Variants in WWC1 observed in about 807,000 individuals in gnomAD.
WWC1 encodes the protein protein KIBRA.
In WWC1, 55 loss-of-function variants were observed where a neutral mutation model predicts 138.4. The observed-to-expected ratio is 0.40, with a 90% CI of 0.32 to 0.50. WWC1 has a LOEUF of 0.50. Among genes scored for constraint, WWC1 ranks in the 20% least tolerant of loss-of-function variants. The pLI is 0.72. For synonymous variants in WWC1, 524 were observed against 564.9 expected (o/e 0.93, Z 1.03); for missense variants, 1,226 against 1,420.4 (o/e 0.86, Z 2.20).
At chr5:168,332,716 C>CT (rs368584330) in intron 1 of WWC1, among the ~76,000 whole-genome samples, 7,316 of 147,322 alleles carry the variant, frequency 0.05, 447 homozygotes, top group African/African-American at 0.14. Context: ...TTTTCTTTTT[C>CT]TTTTTTTTTT....
At chr5:168,321,300 A>G (rs1366883299) in intron 1 of WWC1, among the ~76,000 whole-genome samples, 2 of 152,152 alleles carry the variant, frequency 1.3e-5, no homozygotes, top group Non-Finnish European at 2.9e-5. Flanking sequence ...AGGAGATGCC[A>G]TGGGAGAAAG....
rs1561630070 is a variant in WWC1 at position 168,339,830 on chromosome 5, C to CTTTCTTTCTTTCTTTCTTTCTTTCTTTCT, written c.120-31591_120-31590insCTTTCTTTCTTTCTTTCTTTCTTTCTTTT. Among the ~76,000 whole-genome samples, 8 of 135,254 alleles carry CTTTCTTTCTTTCTTTCTTTCTTTCTTTCT rather than the reference C, an allele frequency of 5.9e-5. No homozygotes were observed. In the South Asian group the frequency reaches 6.7e-4, roughly 11 times the overall value. 88.7% of individuals were successfully genotyped at this position (135,254 alleles called of 152,430 possible). On this transcript the variant is annotated intron_variant, in intron 1 of 22. Coordinates refer to ENST00000265293, the MANE Select transcript of WWC1 (RefSeq NM_015238.3). Reference sequence around the variant, plus strand: ...TTTTTCTTTCTTTCTTTCTTTCTTTCTTTTTCTTTTCTTTCTTTCTTTCTC... The same window carrying CTTTCTTTCTTTCTTTCTTTCTTTCTTTCT: ...TTTTTCTTTCTTTCTTTCTTTCTTTCTTTCTTTCTTTCTTTCTTTCTTTCTTTCTTTTTTCTTTTCTTTCTTTCTTTCTC...
In WWC1 at chr5:168,414,541, A is replaced by G; in HGVS notation, c.1135A>G (p.Lys379Glu). The part of the protein sequence containing the change: ...QLEMARKRLE[K>E]DLQAARDTQS... ...GGAGATGGCCCGGAAGCGGCTGGAA[A>G]AGGACCTGCAGGCAGCCCGGGACAC... The change falls in exon 9 of 23, where the codon AAG (lysine) becomes GAG (glutamate). Residue 379 changes from lysine (K) to glutamate (E), a missense_variant. Physicochemically the swap from Lys to Glu is moderately conservative, Grantham distance 56 (BLOSUM62 1). Coordinates refer to ENST00000265293, the MANE Select transcript of WWC1 (RefSeq NM_015238.3). 1 of 1,554,658 alleles carries G rather than the reference A, an allele frequency of 6.4e-7. No homozygotes were observed. The highest frequency in any genetic ancestry group is 8.7e-7 in the Non-Finnish European group (1 of 1,148,954).
intron 20 of WWC1, among the ~76,000 whole-genome samples, chr5:168,462,342 T>A (rs1033367546): frequency 4.6e-5 from 7 of 152,154 alleles, no homozygotes; most frequent in African/African-American, 1.7e-4. Context: ...GACAACCAAC[T>A]GCCCACTCTG....
rs141726503 is a variant in WWC1, at chr5:168,455,145, G to A, written c.2659-211G>A. On this transcript the variant is annotated intron_variant, in intron 18 of 22. Coordinates refer to ENST00000265293, the MANE Select transcript of WWC1 (RefSeq NM_015238.3). ...ACCAGTCCCCAACCACACGTGCCAC[G>A]GAGGGGTAGGGGTCGGCACACCTAG... Among the ~76,000 whole-genome samples, 89 of 152,310 alleles carry A rather than the reference G, an allele frequency of 5.8e-4. No individual in the cohort carries two copies. The East Asian group carries it at 0.016, about 28-fold the overall frequency.
At chr5:168,341,839 G>A (rs985910001) in intron 1 of WWC1, among the ~76,000 whole-genome samples, 1 of 152,100 alleles carries the variant, frequency 6.6e-6, no homozygotes, top group South Asian at 2.1e-4. Context: ...CACAGATAAC[G>A]GAAGAAAGTT....
intron 17 of WWC1, among the ~76,000 whole-genome samples, chr5:168,450,474 T>C (rs886238961): frequency 6.6e-6 from 1 of 152,168 alleles, no homozygotes; most frequent in Non-Finnish European, 1.5e-5. Flanking sequence ...AAGACCATCC[T>C]GGCCAACATG....
In WWC1 at chr5:168,403,387, G is replaced by A. The variant is rs576278484; in HGVS notation, c.591-2811G>A. On this transcript the variant is annotated intron_variant, in intron 5 of 22. Transcript: ENST00000265293. Reference sequence around the variant, plus strand: ...GCTGGGATTACAGGTGTGAGCCACCGTGCCCAGCCAGCTCTGTTGTTTTTG... The same window carrying A: ...GCTGGGATTACAGGTGTGAGCCACCATGCCCAGCCAGCTCTGTTGTTTTTG... Among the ~76,000 whole-genome samples, 110 of 152,214 alleles carry A rather than the reference G, an allele frequency of 7.2e-4. 1 individual carries two copies. The highest frequency in any genetic ancestry group is 1.4e-3 in the Non-Finnish European group (98 of 68,024).
At chr5:168,433,367 A>G (rs1782098539) in intron 15 of WWC1, among the ~76,000 whole-genome samples, 1 of 152,238 alleles carries the variant, frequency 6.6e-6, no homozygotes, top group Non-Finnish European at 1.5e-5. Context: ...AAGAATGTAG[A>G]GCAGCAAAGT....
intron 8 of WWC1, 76 bp from the exon 9 acceptor site, chr5:168,414,272 T>C: frequency 6.5e-7 from 1 of 1,549,104 alleles, no homozygotes; most frequent in Non-Finnish European, 8.7e-7. Flanking sequence ...CTCTGAGATG[T>C]CTGTTTCTTC....
intron 14 of WWC1, among the ~76,000 whole-genome samples, 168 bp downstream of exon 14, chr5:168,430,391 C>T (rs935156619): frequency 6.6e-6 from 1 of 152,150 alleles, no homozygotes; most frequent in African/African-American, 2.4e-5. Context: ...CATGTGAATA[C>T]AGGCACAACG....
At chr5:168,415,796 TGTGGG>T (rs1780566836) in intron 9 of WWC1, 1 of 1,384 alleles carries the variant, frequency 7.2e-4, no homozygotes, top group Admixed American at 0.012. Flanking sequence ...AGTGTGTGTG[TGTGGG>T]GGGGGGGGGG....
At chr5:168,447,447 A>G (rs966128549) in intron 17 of WWC1, among the ~76,000 whole-genome samples, 3 of 152,282 alleles carry the variant, frequency 2.0e-5, no homozygotes, top group East Asian at 1.9e-4. Context: ...ATGTAAACCA[A>G]TGACACTGTC....
intron 1 of WWC1, among the ~76,000 whole-genome samples, chr5:168,358,727 A>T (rs1187876081): frequency 6.6e-6 from 1 of 152,124 alleles, no homozygotes; most frequent in African/African-American, 2.4e-5. Context: ...TTATTGAGGA[A>T]TTTTTGAAGT....
chr5:168,456,248 G>A (rs1004182615), intron 19 of WWC1, among the ~76,000 whole-genome samples: 10 of 152,058 alleles, frequency 6.6e-5, no homozygotes, highest in Non-Finnish European at 1.3e-4. Flanking sequence ...ACGCTGCAGT[G>A]AGCCATGATT....
chr5:168,336,571 C>CA (rs57339649), intron 1 of WWC1, among the ~76,000 whole-genome samples: 5,885 of 57,174 alleles, frequency 0.1, 488 homozygotes, highest in East Asian at 0.45. Context: ...GACTCTGTCT[C>CA]AAAAAAAAAA....
intron 2 of WWC1, among the ~76,000 whole-genome samples, chr5:168,384,734 T>TGC (rs1476662028): frequency 1.8e-5 from 2 of 109,252 alleles, no homozygotes; most frequent in Non-Finnish European, 4.1e-5. Context: ...TTTTTTTTTT[T>TGC]TCAGACAGAG....
Position 168,312,923 on chromosome 5 carries a change from C to G in WWC1, c.119+20652C>G, listed in dbSNP as rs543837164. Among the ~76,000 whole-genome samples the G allele has an allele frequency of 2.7e-5, 4 of 150,498 alleles. No individual in the cohort carries two copies. In the South Asian group the frequency reaches 8.4e-4, roughly 32 times the overall value. ...TCCCAGACTCAAGTAATTCTCCTGT[C>G]TCAGCCTCTCGAGTAGCTGGGACTA... On this transcript the variant is annotated intron_variant, in intron 1 of 22. Transcript: ENST00000265293.
At chr5:168,448,091 C>G (rs1036637275) in intron 17 of WWC1, among the ~76,000 whole-genome samples, 1 of 152,128 alleles carries the variant, frequency 6.6e-6, no homozygotes, top group Non-Finnish European at 1.5e-5. Flanking sequence ...TGTCTCCACA[C>G]CCCCTGCCAT....
Sources: allele counts gnomAD v4.1 joint callset (sites outside exome capture counted in the v4.1 genomes callset), GRCh38; gene constraint gnomAD v4.1.1; transcripts MANE v1.5; gene names NCBI Gene and HGNC (gene_info 2026-07-23, HGNC 2026-07-21).